The following ZYG11A variants were observed in gnomAD, a reference collection of about 807,000 sequenced individuals.
ZYG11A encodes the protein zyg-11 family member A, cell cycle regulator.
In ZYG11A, 62 loss-of-function variants were observed where a neutral mutation model predicts 77.2. The observed-to-expected ratio is 0.80, with a 90% CI of 0.65 to 0.99. The LOEUF (loss-of-function observed/expected upper bound fraction) is 0.99. ZYG11A is among the 50% of genes least tolerant of loss of function. The pLI, the probability that ZYG11A is intolerant of heterozygous loss-of-function variation, is 0.00. For missense variants in ZYG11A, 828 were observed against 896.8 expected (o/e 0.92, Z 0.98); for synonymous variants, 315 against 324.6 (o/e 0.97, Z 0.32).
chr1:52,870,462 G>A (rs570542716), intron 8 of ZYG11A, among the ~76,000 whole-genome samples: 5 of 152,192 alleles, frequency 3.3e-5, no homozygotes, highest in Non-Finnish European at 5.9e-5. Flanking sequence ...ACAGGGCGGC[G>A]GCCGGGCAGA....
At chr1:52,846,749 G>A (rs1057252750) in intron 1 of ZYG11A, among the ~76,000 whole-genome samples, 36 of 151,972 alleles carry the variant, frequency 2.4e-4, no homozygotes, top group African/African-American at 8.7e-4. Context: ...AATTTTTAAC[G>A]TGGTATATGT....
Position 52,857,558 on chromosome 1 carries a change from C to G in ZYG11A, c.817C>G (p.Leu273Val). The G allele has an allele frequency of 6.4e-7, 1 of 1,552,024 alleles. No individual in the cohort carries two copies. Among genetic ancestry groups the G allele is most frequent in the Non-Finnish European group, 8.7e-7 (1 of 1,147,056 alleles). The change falls in exon 3 of 14, where the codon CTA becomes GTA. Residue 273 changes from leucine to valine, a missense_variant. Leu to Val is a conservative substitution (Grantham distance 32). Transcript: ENST00000371528. ...TGATCACAGGCAACTCAAATCAGAC[C>G]TAGCTTTTCATTTGCTACAGCAGAA... ...ISDHRQLKSD[L>V]AFHLLQQKDI...
intron 8 of ZYG11A, among the ~76,000 whole-genome samples, chr1:52,869,686 T>TC (rs1394413632): frequency 6.6e-6 from 1 of 151,914 alleles, no homozygotes; most frequent in African/African-American, 2.4e-5. Context: ...CTCAATCTTT[T>TC]CCCCACCTTT....
At chr1:52,881,209 G>A in intron 10 of ZYG11A, 1 of 252,610 alleles carries the variant, frequency 4.0e-6, no homozygotes. Context: ...GATTAAATGA[G>A]ATAAGGTAGA....
Position 52,857,641 on chromosome 1 carries a change from T to G in ZYG11A, c.900T>G (p.Asp300Glu). ...LDISGGNCIT[D>E]EAVELFIRLR... ...TTTCTGGGGGCAATTGCATCACTGA[T>G]GAAGCTGTAGAACTGTTTATACGAC... Residue 300 changes from aspartate (D) to glutamate (E), a missense_variant, in exon 3 of 14, where the codon GAT (aspartate) becomes GAG (glutamate). Coordinates refer to ENST00000371528, the MANE Select transcript of ZYG11A (RefSeq NM_001004339.3). 3.2e-6 allele frequency: 5 copies of G among 1,552,164 alleles called. No homozygotes were observed. The highest frequency in any genetic ancestry group is 4.4e-6 in the Non-Finnish European group (5 of 1,147,096).
intron 5 of ZYG11A, 88 bp downstream of exon 5, chr1:52,864,245 A>ATTTGTT (rs2150002130): frequency 4.4e-6 from 6 of 1,351,408 alleles, no homozygotes; most frequent in Middle Eastern, 1.9e-4. Context: ...CCGTGGCACA[A>ATTTGTT]TTTGTTTTTG....
At chr1:52,856,379 G>C (rs554567714) in intron 2 of ZYG11A, among the ~76,000 whole-genome samples, 1 of 149,104 alleles carries the variant, frequency 6.7e-6, no homozygotes, top group African/African-American at 2.5e-5. Context: ...CAAGGGAATC[G>C]CTTGAACTTG....
rs1272758994 is a variant in ZYG11A at position 52,842,831 on chromosome 1, G to C, written c.-53G>C. ...CGCCCGCTTGGTTCTCGCGGGATCC[G>C]GGCTCCGGCTCGACGCCGGCTCTCT... On this transcript the variant is annotated 5_prime_UTR_variant, in exon 1 of 14. Coordinates refer to ENST00000371528, the MANE Select transcript of ZYG11A (RefSeq NM_001004339.3). 6.7e-7 allele frequency: 1 copy of C among 1,502,754 alleles called. No individual in the cohort carries two copies. The highest frequency in any genetic ancestry group is 8.9e-7 in the Non-Finnish European group (1 of 1,117,602). The allele number at this position is 1,502,754 out of a possible 1,614,324, so 93.1% of individuals were successfully genotyped here.
chr1:52,862,314 G>GTTT lies in ZYG11A; in HGVS notation c.1149+1456_1149+1458dup, dbSNP rs1277355334. ...TACGTGAGCCCAGGATTTTTTTTTG[G>GTTT]TTTTTTTTTTTTTTTGAGACGGCGT... On this transcript the variant is annotated intron_variant, in intron 4 of 13. Coordinates refer to ENST00000371528, the MANE Select transcript of ZYG11A (RefSeq NM_001004339.3). 3.6e-5 allele frequency among the ~76,000 whole-genome samples: 5 copies of GTTT among 138,268 alleles called. No individual in the cohort carries two copies. The East Asian group carries it at 6.4e-4, about 18-fold the overall frequency. The allele number at this position is 138,268 out of a possible 152,430, so 90.7% of individuals were successfully genotyped here.
chr1:52,846,330 A>C (rs1169382058), intron 1 of ZYG11A, among the ~76,000 whole-genome samples: 131 of 9,580 alleles, frequency 0.014, 4 homozygotes, highest in African/African-American at 0.055. Flanking sequence ...ATATATATAT[A>C]TATATATATA....
intron 2 of ZYG11A, among the ~76,000 whole-genome samples, chr1:52,855,452 A>G (rs1645792559): frequency 6.6e-6 from 1 of 152,092 alleles, no homozygotes; most frequent in African/African-American, 2.4e-5. Context: ...GGCCTCCCAA[A>G]GTGCTGGGAT....
At chr1:52,862,304 T>A (rs1645943495) in intron 4 of ZYG11A, among the ~76,000 whole-genome samples, 2 of 150,540 alleles carry the variant, frequency 1.3e-5, no homozygotes, top group African/African-American at 2.4e-5. Context: ...GAGCCCAGGA[T>A]TTTTTTTTGG....
chr1:52,851,105 C>T (rs542280552), intron 1 of ZYG11A, among the ~76,000 whole-genome samples: 24 of 151,484 alleles, frequency 1.6e-4, no homozygotes, highest in African/African-American at 5.1e-4. Context: ...GGCGCAATCA[C>T]GGCTCATTGC....
intron 13 of ZYG11A, among the ~76,000 whole-genome samples, chr1:52,888,194 C>T (rs1470572362): frequency 6.6e-6 from 1 of 152,038 alleles, no homozygotes; most frequent in Non-Finnish European, 1.5e-5. Context: ...AATTATGAGA[C>T]CATTCCATTT....
At chr1:52,873,462 C>G (rs1646205958) in intron 8 of ZYG11A, among the ~76,000 whole-genome samples, 1 of 152,092 alleles carries the variant, frequency 6.6e-6, no homozygotes, top group African/African-American at 2.4e-5. Context: ...GCCAAGAGAA[C>G]TAAAATTATA....
At chr1:52,891,601 C>T (rs1646544598) in intron 13 of ZYG11A, among the ~76,000 whole-genome samples, 1 of 151,880 alleles carries the variant, frequency 6.6e-6, no homozygotes, top group Admixed American at 6.6e-5. Flanking sequence ...GATTTCTCCT[C>T]TCCTACTCCC....
rs117417397 is a variant in ZYG11A, at chr1:52,861,090, G to A, written c.1149+219G>A. 7.0e-4 allele frequency among the ~76,000 whole-genome samples: 106 copies of A among 152,238 alleles called. No homozygotes were observed. The East Asian group carries it at 8.9e-3, about 13-fold the overall frequency. ...ATTAGAATCAAAACAGTTAAAATTT[G>A]GTCTAAGTAAGGGAATAATAGGATC... On this transcript the variant is annotated intron_variant, in intron 4 of 13. Coordinates refer to ENST00000371528, the MANE Select transcript of ZYG11A (RefSeq NM_001004339.3).
Position 52,854,595 on chromosome 1 carries a change from T to G in ZYG11A, c.221T>G (p.Val74Gly). 1 of 1,547,446 alleles carries G rather than the reference T, an allele frequency of 6.5e-7. No homozygotes were observed. Among genetic ancestry groups the G allele is most frequent in the Non-Finnish European group, 8.7e-7 (1 of 1,143,788 alleles). Reference protein sequence around the residue: ...LPEHWSFPQEVAERFLRVMTW... With the variant: ...LPEHWSFPQEGAERFLRVMTW... Reference sequence around the variant, plus strand: ...GAGCATTGGAGTTTCCCTCAGGAAGTAGCCGAGCGATTTCTCAGGGTGATG... The same window carrying G: ...GAGCATTGGAGTTTCCCTCAGGAAGGAGCCGAGCGATTTCTCAGGGTGATG... Residue 74 changes from valine (V) to glycine (G), a missense_variant, in exon 2 of 14, where the codon GTA becomes GGA. Transcript: ENST00000371528.
At chr1:52,885,446 C>T (rs952646819) in intron 11 of ZYG11A, among the ~76,000 whole-genome samples, 2 of 150,094 alleles carry the variant, frequency 1.3e-5, no homozygotes, top group Admixed American at 6.6e-5. Flanking sequence ...CCTTGTGATC[C>T]GCCCGCCTTG....
Sources: gnomAD v4.1 joint callset for allele counts (sites outside exome capture counted in the v4.1 genomes callset) on GRCh38, gnomAD v4.1.1 for gene constraint, MANE v1.5 for transcripts, NCBI Gene and HGNC (gene_info 2026-07-23, HGNC 2026-07-21) for gene names.